ST3GAL2: variants seen among roughly 807,000 people sequenced by gnomAD.
ST3GAL2 encodes ST3 beta-galactoside alpha-2,3-sialyltransferase 2.
ST3GAL2 carries 16 observed loss-of-function variants against 37.5 expected under a neutral mutation model. That is an observed-to-expected ratio of 0.43 (90% CI 0.29 to 0.65). ST3GAL2 has a LOEUF of 0.65. ST3GAL2 is among the 30% of genes least tolerant of loss of function. ST3GAL2 has a pLI of 0.17. For missense variants in ST3GAL2, 383 were observed against 487.8 expected, an observed-to-expected ratio of 0.79 and a Z score of 2.02; for synonymous variants, 238 against 202.9, an observed-to-expected ratio of 1.17 and a Z score of -1.47.
At position 70,381,841 on chromosome 16, in the gene ST3GAL2, C is replaced by A. The variant is rs2047407946; in HGVS notation, c.901G>T (p.Ala301Ser). 6.2e-7 allele frequency: 1 copy of A among 1,613,814 alleles called. No individual in the cohort carries two copies. Among genetic ancestry groups the A allele is most frequent in the Non-Finnish European group, 8.5e-7 (1 of 1,179,924 alleles). Reference protein sequence around the residue: ...CDEVNVYGFGADSRGNWHHYW... With the variant: ...CDEVNVYGFGSDSRGNWHHYW... ...TGGTGCCAGTTGCCCCGGCTGTCGG[C>A]CCCGAACCCGTACACGTTCACCTGC... Residue 301 changes from alanine to serine, a missense_variant, in exon 7 of 7, where the codon GCC becomes TCC. This residue lies in a region of ST3GAL2 where 160 missense variants were observed against 248.6 expected (regional missense o/e 0.64). Coordinates refer to ENST00000342907, the MANE Select transcript of ST3GAL2 (RefSeq NM_006927.4).
chr16:70,377,053 TA>T lies in ST3GAL2; in HGVS notation c.*4635del. On this transcript the variant is annotated 3_prime_UTR_variant, in exon 7 of 7. Coordinates refer to ENST00000342907, the MANE Select transcript of ST3GAL2 (RefSeq NM_006927.4). ...ACCGTGCCTGGCCATAAAATGTTTT[TA>T]AAAAATTTTTTAGCTAGGCTCTAGC... The T allele has an allele frequency of 1.3e-5, 2 of 152,008 alleles. No homozygotes were observed. The highest frequency in any genetic ancestry group is 4.2e-4 in the South Asian group (2 of 4,806). The allele number at this position is 152,008 out of a possible 1,614,324, so 9.4% of individuals were successfully genotyped here.
intron 3 of ST3GAL2, 25 bp downstream of exon 3, chr16:70,394,957 A>C (rs1251565863): frequency 6.2e-7 from 1 of 1,603,736 alleles, no homozygotes; most frequent in Non-Finnish European, 8.5e-7. Context: ...TCCTGAGCCC[A>C]CCCTTGGGCT....
At chr16:70,406,989 G>A (rs1435656007) in intron 1 of ST3GAL2, among the ~76,000 whole-genome samples, 2 of 152,190 alleles carry the variant, frequency 1.3e-5, no homozygotes, top group Non-Finnish European at 2.9e-5. Flanking sequence ...CTACCTGTGG[G>A]ACAGGTGGCA....
At chr16:70,396,619 C>T (rs1343957596) in intron 2 of ST3GAL2, among the ~76,000 whole-genome samples, 2 of 152,212 alleles carry the variant, frequency 1.3e-5, no homozygotes, top group Non-Finnish European at 2.9e-5. Context: ...TAAGAGCCCA[C>T]GGGGCTCCTA....
chr16:70,421,619 G>A (rs1159880138), intron 1 of ST3GAL2, among the ~76,000 whole-genome samples: 5 of 152,320 alleles, frequency 3.3e-5, no homozygotes, highest in East Asian at 3.9e-4. Context: ...CACAGGCATC[G>A]CCCACATGAT....
rs1245498660 is a variant in ST3GAL2 at position 70,397,841 on chromosome 16, G to T, written c.339+351C>A. On this transcript the variant is annotated intron_variant, in intron 2 of 6. Transcript: ENST00000342907. ...TCTTAAAAAAAAAACAAAAAACCCA[G>T]ATCCAGCCTTGTGCAGCAACAACTG... is the stretch of plus-strand genomic sequence containing the variant. Among the ~76,000 whole-genome samples the T allele has an allele frequency of 2.0e-5, 3 of 152,048 alleles. No homozygotes were observed. The South Asian group carries it at 6.2e-4, about 31-fold the overall frequency.
chr16:70,424,608 A>G (rs2047738274), intron 1 of ST3GAL2, among the ~76,000 whole-genome samples: 2 of 152,092 alleles, frequency 1.3e-5, no homozygotes, highest in South Asian at 4.1e-4. Flanking sequence ...TCTCAAAAAA[A>G]TTAAATAAAT....
Position 70,379,617 on chromosome 16 carries a change from G to A in ST3GAL2, c.*2072C>T, listed in dbSNP as rs918782336. On this transcript the variant is annotated 3_prime_UTR_variant, in exon 7 of 7. Transcript: ENST00000342907. ...GCTGGGACCTACCTCTTCCAGGATGGGGATTCATGATTTAATTTTTTTGAG... is the reference window on the plus strand; with the variant it reads ...GCTGGGACCTACCTCTTCCAGGATGAGGATTCATGATTTAATTTTTTTGAG... 6.6e-6 allele frequency: 1 copy of A among 152,100 alleles called. No individual in the cohort carries two copies. The highest frequency in any genetic ancestry group is 2.4e-5 in the African/African-American group (1 of 41,426). The allele number at this position is 152,100 out of a possible 1,614,324, so 9.4% of individuals were successfully genotyped here. A position where few individuals can be genotyped will look rare whatever the true frequency, so the allele number is the denominator to read the frequency against.
intron 4 of ST3GAL2, 128 bp downstream of exon 4, chr16:70,388,239 C>T (rs1052901424): frequency 1.3e-5 from 16 of 1,213,676 alleles, no homozygotes; most frequent in African/African-American, 3.0e-5. Context: ...CAACTTAGGC[C>T]CTCCCTTCTC....
chr16:70,426,493 C>A (rs1379461558), intron 1 of ST3GAL2, among the ~76,000 whole-genome samples: 2 of 151,338 alleles, frequency 1.3e-5, no homozygotes, highest in African/African-American at 4.9e-5. Flanking sequence ...AGCCACCACA[C>A]CCGGCCCTCA....
intron 1 of ST3GAL2, chr16:70,400,063 G>C (rs1466498371): frequency 6.6e-6 from 1 of 152,428 alleles, no homozygotes; most frequent in Non-Finnish European, 1.5e-5. Context: ...AGTCCTGTCA[G>C]CTCCGCCGTT....
chr16:70,438,268 T>C (rs779502613), intron 1 of ST3GAL2, among the ~76,000 whole-genome samples: 8 of 151,964 alleles, frequency 5.3e-5, no homozygotes, highest in Non-Finnish European at 1.0e-4. Context: ...TTTGGTCCAG[T>C]CACAGGGGAA....
intron 1 of ST3GAL2, chr16:70,422,892 G>A (rs1183456294): frequency 1.3e-5 from 2 of 152,232 alleles, no homozygotes; most frequent in African/African-American, 2.4e-5. Context: ...CTCACAAACT[G>A]GAAGTGACAG....
Position 70,383,211 on chromosome 16 carries a change from G to A in ST3GAL2, c.738C>T (p.Phe246=), listed in dbSNP as rs750279292. 6.2e-7 allele frequency: 1 copy of A among 1,609,826 alleles called. No homozygotes were observed. The highest frequency in any genetic ancestry group is 2.2e-5 in the East Asian group (1 of 44,864). ...IRFTYAPVKS[F]LRVDKEKVQI... The stretch of plus-strand genomic sequence containing the variant: ...TTACCTTTTCTTTATCCACTCGAAG[G>A]AAGGACTTCACTGGGGCGTAGGTGC... The change falls in exon 5 of 7, where the codon TTC becomes TTT. Residue 246 remains phenylalanine, a synonymous_variant. Transcript: ENST00000342907.
chr16:70,397,938 GCTCC>G (rs111746296), intron 2 of ST3GAL2, among the ~76,000 whole-genome samples: 2 of 152,294 alleles, frequency 1.3e-5, no homozygotes, highest in African/African-American at 4.8e-5. Flanking sequence ...ACTGCCACCT[GCTCC>G]CTGTGTCCCT....
At chr16:70,427,338 CTTT>C (rs561028894) in intron 1 of ST3GAL2, among the ~76,000 whole-genome samples, 8 of 132,958 alleles carry the variant, frequency 6.0e-5, no homozygotes, top group Middle Eastern at 4.0e-3. Flanking sequence ...ACCCAGTCTT[CTTT>C]TTTTTTTTTT....
intron 1 of ST3GAL2, among the ~76,000 whole-genome samples, chr16:70,417,513 C>T (rs543722186): frequency 2.9e-4 from 44 of 152,378 alleles, no homozygotes; most frequent in African/African-American, 1.0e-3. Flanking sequence ...CCCTGCAGAG[C>T]AGAGGCCTGA....
chr16:70,432,969 C>A (rs562692147), intron 1 of ST3GAL2, among the ~76,000 whole-genome samples: 348 of 152,354 alleles, frequency 2.3e-3, no homozygotes, highest in Middle Eastern at 0.01. Flanking sequence ...GGCTCGGCGG[C>A]CCCACCGCCT....
rs750881963 is a variant in ST3GAL2, at chr16:70,398,472, A to T, written c.59T>A (p.Met20Lys). 1.1e-5 allele frequency: 17 copies of T among 1,613,454 alleles called. No homozygotes were observed. Among genetic ancestry groups the T allele is most frequent in the Non-Finnish European group, 5.9e-6 (7 of 1,179,954 alleles). Residue 20 changes from methionine to lysine, a missense_variant, in exon 2 of 7, where the codon ATG becomes AAG. Met to Lys is a moderately conservative substitution (Grantham distance 95). This residue lies in a region of ST3GAL2 where 223 missense variants were observed against 239.1 expected (regional missense o/e 0.93). Coordinates refer to ENST00000342907, the MANE Select transcript of ST3GAL2 (RefSeq NM_006927.4). ...GTGCGAGTAGGTGAAGAGCAGGGAC[A>T]TGATGAACACCAGCAGGAAGGCCAC... ...LSVAFLLVFI[M>K]SLLFTYSHHS...
Sources: allele counts gnomAD v4.1 joint callset (sites outside exome capture counted in the v4.1 genomes callset), GRCh38; gene constraint gnomAD v4.1.1; regional missense constraint gnomAD v4.1.1; transcripts MANE v1.5; gene names NCBI Gene and HGNC (gene_info 2026-07-23, HGNC 2026-07-21).